Variants in STAB2 observed in about 807,000 individuals in gnomAD.
The protein encoded by STAB2 is stabilin 2.
Under a neutral mutation model 338.1 loss-of-function variants are expected in STAB2, and 288 were observed. The observed-to-expected ratio is 0.85, with a 90% CI of 0.77 to 0.94. The LOEUF is 0.94. Among genes scored for constraint, STAB2 ranks in the 40% least tolerant of loss-of-function variants. The pLI, the probability that STAB2 is intolerant of heterozygous loss-of-function variation, is 0.00. For missense variants in STAB2, 3,141 were observed against 3,210.1 expected (o/e 0.98, Z 0.52); for synonymous variants, 1,202 against 1,193.3 (o/e 1.01, Z -0.15).
chr12:103,749,052 A>G lies in STAB2; in HGVS notation c.6334A>G (p.Lys2112Glu). 6.2e-7 allele frequency: 1 copy of G among 1,614,134 alleles called. No individual in the cohort carries two copies. The highest frequency in any genetic ancestry group is 1.3e-5 in the African/African-American group (1 of 75,046). ...KGTKVSCSCQKGYKGDGHSCT... is the reference protein window; with the variant it reads ...KGTKVSCSCQEGYKGDGHSCT... ...CACGAAGGTCTCCTGCAGCTGCCAG[A>G]AGGGATACAAAGGGGACGGGCACAG... The change falls in exon 59 of 69, where the codon AAG (lysine) becomes GAG (glutamate). Residue 2112 changes from lysine (K) to glutamate (E), a missense_variant. By Grantham distance (56) the Lys-to-Glu change is moderately conservative. Coordinates refer to ENST00000388887, the MANE Select transcript of STAB2 (RefSeq NM_017564.10).
chr12:103,717,633 T>G, intron 43 of STAB2, 137 bp from the exon 44 acceptor site: 1 of 688,666 alleles, frequency 1.5e-6, no homozygotes, highest in Non-Finnish European at 2.6e-6. Context: ...CATTATAAAA[T>G]AGATATTACC....
At chr12:103,621,488 T>C (rs966115826) in intron 4 of STAB2, among the ~76,000 whole-genome samples, 2 of 152,136 alleles carry the variant, frequency 1.3e-5, no homozygotes, top group Non-Finnish European at 2.9e-5. Flanking sequence ...ATCCCAGTAC[T>C]TTGGGAGGCC....
chr12:103,663,090 GA>G (rs993850888), intron 18 of STAB2, 92 bp downstream of exon 18: 44 of 1,511,836 alleles, frequency 2.9e-5, no homozygotes, highest in Middle Eastern at 3.5e-4. Flanking sequence ...AGGTGTCAAA[GA>G]AAGTTGGACT....
Position 103,739,482 on chromosome 12 carries a change from C to T in STAB2, c.5754+14C>T. 6.4e-7 allele frequency: 1 copy of T among 1,570,906 alleles called. No individual in the cohort carries two copies. The highest frequency in any genetic ancestry group is 8.6e-7 in the Non-Finnish European group (1 of 1,158,490). On this transcript the variant is annotated intron_variant, in intron 54 of 68. Transcript: ENST00000388887. ...AGTAAACCAAAGGTAATTAAGACTG[C>T]AGTGATAATGTTTGGAGAGCCATAG...
chr12:103,703,720 A>G (rs1387873082), intron 35 of STAB2, among the ~76,000 whole-genome samples: 1 of 152,210 alleles, frequency 6.6e-6, no homozygotes, highest in Non-Finnish European at 1.5e-5. Context: ...ATTTCAGTGT[A>G]TTATGGAATA....
At chr12:103,595,232 G>GA (rs1199171133) in intron 3 of STAB2, among the ~76,000 whole-genome samples, 1 of 151,884 alleles carries the variant, frequency 6.6e-6, no homozygotes, top group East Asian at 1.9e-4. Flanking sequence ...TTTTTGGTAG[G>GA]AAAAAATCAG....
intron 11 of STAB2, 61 bp from the exon 12 acceptor site, chr12:103,652,495 C>T (rs917149506): frequency 2.4e-5 from 35 of 1,456,202 alleles, no homozygotes; most frequent in Admixed American, 4.6e-5. Context: ...TAAGGCACAG[C>T]ATGTGTTACA....
At position 103,673,989 on chromosome 12, in the gene STAB2, T is replaced by A; in HGVS notation, c.2454T>A (p.Ser818=). 6.2e-7 allele frequency: 1 copy of A among 1,614,164 alleles called. No individual in the cohort carries two copies. The highest frequency in any genetic ancestry group is 1.3e-5 in the African/African-American group (1 of 75,074). ...ACLTGTCRDG[S]AGRLCDKQTS... ...TCACTGGCACATGCAGAGACGGCTC[T>A]GCCGGGAGACTCTGTGATAAGCAGA... The change falls in exon 23 of 69, where the codon TCT becomes TCA. Residue 818 remains serine (S), a synonymous_variant. Coordinates refer to ENST00000388887, the MANE Select transcript of STAB2 (RefSeq NM_017564.10).
intron 33 of STAB2, among the ~76,000 whole-genome samples, chr12:103,697,738 A>G (rs1455884518): frequency 6.6e-6 from 1 of 152,274 alleles, no homozygotes; most frequent in Non-Finnish European, 1.5e-5. Flanking sequence ...ATAAAGCTGT[A>G]TAAATGAAAG....
intron 5 of STAB2, among the ~76,000 whole-genome samples, chr12:103,627,158 A>G (rs1346356231): frequency 1.3e-5 from 2 of 152,220 alleles, no homozygotes; most frequent in Non-Finnish European, 2.9e-5. Flanking sequence ...GGGCAGAGGC[A>G]GGATTTGACC....
At chr12:103,648,575 C>T in intron 9 of STAB2, 115 bp from the exon 10 acceptor site, 1 of 1,387,854 alleles carries the variant, frequency 7.2e-7, no homozygotes, top group Non-Finnish European at 9.7e-7. Context: ...CTCTCTTGTC[C>T]CTATTCAACC....
intron 9 of STAB2, among the ~76,000 whole-genome samples, chr12:103,646,504 C>G (rs1693900028): frequency 6.6e-6 from 1 of 152,166 alleles, no homozygotes; most frequent in African/African-American, 2.4e-5. Context: ...CTTTCCTTAT[C>G]TCTCTATCAA....
Position 103,763,520 on chromosome 12 carries a change from T to G in STAB2, c.7517T>G (p.Leu2506Arg). The G allele has an allele frequency of 1.2e-6, 2 of 1,614,084 alleles. No homozygotes were observed. Among genetic ancestry groups the G allele is most frequent in the South Asian group, 1.1e-5 (1 of 91,080 alleles). The stretch of plus-strand genomic sequence containing the variant: ...GAAGAGGACATTAATGTTGCAGCTC[T>G]TGGCAAGCAGCAGCCTGAGAATATC... ...ESEEDINVAALGKQQPENISN... is the reference protein window; with the variant it reads ...ESEEDINVAARGKQQPENISN... The change falls in exon 68 of 69, where the codon CTT (leucine) becomes CGT (arginine). Residue 2506 changes from leucine to arginine, a missense_variant. By Grantham distance (102) the Leu-to-Arg change is moderately radical. Coordinates refer to ENST00000388887, the MANE Select transcript of STAB2 (RefSeq NM_017564.10).
chr12:103,724,866 G>A (rs1881055979), intron 44 of STAB2, 109 bp from the exon 45 acceptor site: 1 of 1,547,544 alleles, frequency 6.5e-7, no homozygotes, highest in Non-Finnish European at 8.8e-7. Context: ...GAATCAAAGA[G>A]AGTGAGACAA....
chr12:103,625,512 C>T lies in STAB2; in HGVS notation c.487+3401C>T, dbSNP rs140712337. On this transcript the variant is annotated intron_variant, in intron 5 of 68. Coordinates refer to ENST00000388887, the MANE Select transcript of STAB2 (RefSeq NM_017564.10). ...TCTCCTAAAGCTATCCCTCCTCCTT[C>T]CCCCCACCCACAACAGGCCCCAGTG... is the stretch of plus-strand genomic sequence containing the variant. Among the ~76,000 whole-genome samples, 333 of 152,256 alleles carry T rather than the reference C, an allele frequency of 2.2e-3. 1 individual carries two copies. Among genetic ancestry groups the T allele is most frequent in the African/African-American group, 7.8e-3 (322 of 41,538 alleles).
At position 103,671,531 on chromosome 12, in the gene STAB2, TG is replaced by T. The variant is rs138933980; in HGVS notation, c.2371+727del. 6.2e-3 allele frequency among the ~76,000 whole-genome samples: 944 copies of T among 152,324 alleles called. 9 individuals are homozygous for T. The highest frequency in any genetic ancestry group is 0.022 in the African/African-American group (899 of 41,578). ...CCTTTATTTGCAAGGCCTGTGGCCTTGGGCAAGTTACTCTACTTCTCTAGGC... is the reference window on the plus strand; with the variant it reads ...CCTTTATTTGCAAGGCCTGTGGCCTTGGCAAGTTACTCTACTTCTCTAGGC... On this transcript the variant is annotated intron_variant, in intron 22 of 68. Transcript: ENST00000388887.
At chr12:103,746,373 C>T in intron 57 of STAB2, 1 of 418,540 alleles carries the variant, frequency 2.4e-6, no homozygotes, top group Non-Finnish European at 4.4e-6. Context: ...TCATATAAAT[C>T]TCAATGACAT....
At chr12:103,594,563 G>A (rs2138539839) in intron 3 of STAB2, 53 bp downstream of exon 3, 2 of 1,386,674 alleles carry the variant, frequency 1.4e-6, no homozygotes, top group South Asian at 2.3e-5. Flanking sequence ...ATCTCATTTG[G>A]TAGAAAATTG....
At position 103,745,194 on chromosome 12, in the gene STAB2, G is replaced by C. The variant is rs771031943; in HGVS notation, c.6053G>C (p.Gly2018Ala). Reference sequence around the variant, plus strand: ...ACAGCCTGTGGCTGCTCAGACCACGGACAGTGCGATGATGGCATCACGGGC... The same window carrying C: ...ACAGCCTGTGGCTGCTCAGACCACGCACAGTGCGATGATGGCATCACGGGC... ...DCLPCGCSDH[G>A]QCDDGITGSG... Residue 2018 changes from glycine (G) to alanine (A), a missense_variant, in exon 57 of 69, where the codon GGA becomes GCA. Physicochemically the swap from Gly to Ala is moderately conservative, Grantham distance 60 (BLOSUM62 0). Transcript: ENST00000388887. 8.7e-6 allele frequency: 14 copies of C among 1,613,894 alleles called. No homozygotes were observed. Among genetic ancestry groups the C allele is most frequent in the African/African-American group, 1.3e-5 (1 of 74,914 alleles).
Sources: gnomAD v4.1 joint callset for allele counts (sites outside exome capture counted in the v4.1 genomes callset) on GRCh38, gnomAD v4.1.1 for gene constraint, MANE v1.5 for transcripts, NCBI Gene and HGNC (gene_info 2026-07-23, HGNC 2026-07-21) for gene names.